ADH7: variants seen among roughly 807,000 people sequenced by gnomAD.
ADH7 encodes the protein alcohol dehydrogenase 7 (class IV), mu or sigma polypeptide.
In ADH7, 41 loss-of-function variants were observed where a neutral mutation model predicts 34.4. The observed-to-expected ratio is 1.19, with a 90% CI of 0.93 to 1.55. The LOEUF is 1.55. Ranked by LOEUF, ADH7 falls within the 40% of genes most tolerant of loss-of-function variation. ADH7 has a pLI of 0.00. For missense variants in ADH7, 540 were observed against 461.2 expected (o/e 1.17, Z -1.56); for synonymous variants, 180 against 160.9 (o/e 1.12, Z -0.90).
rs1721848579 is a variant in ADH7 at position 99,427,941 on chromosome 4, G to C, written c.396C>G (p.Cys132Trp). 1.2e-6 allele frequency: 2 copies of C among 1,613,874 alleles called. No individual in the cohort carries two copies. Among genetic ancestry groups the C allele is most frequent in the African/African-American group, 1.3e-5 (1 of 74,900 alleles). ...TGAAGTGGTGGACTGGTTTGCCCTT[G>C]CATGTAAATCTGGTGGTGCCATCAG... Reference protein sequence around the residue: ...VLADGTTRFTCKGKPVHHFMN... With the variant: ...VLADGTTRFTWKGKPVHHFMN... The change falls in exon 5 of 9, where the codon TGC becomes TGG. Residue 132 changes from cysteine (C) to tryptophan (W), a missense_variant. Transcript: ENST00000437033.
chr4:99,422,564 T>G (rs1398334145), intron 5 of ADH7, among the ~76,000 whole-genome samples: 1 of 152,088 alleles, frequency 6.6e-6, no homozygotes, highest in Non-Finnish European at 1.5e-5. Context: ...CAAACCACCA[T>G]GGCGCACGTA....
intron 5 of ADH7, among the ~76,000 whole-genome samples, chr4:99,423,566 C>T (rs1721722768): frequency 6.6e-6 from 1 of 152,048 alleles, no homozygotes; most frequent in Admixed American, 6.5e-5. Context: ...TAATGATTGC[C>T]ATTCTAACTG....
chr4:99,419,298 A>G (rs1560560860), intron 6 of ADH7, among the ~76,000 whole-genome samples, 177 bp from the exon 7 acceptor site: 1 of 152,154 alleles, frequency 6.6e-6, no homozygotes, highest in Non-Finnish European at 1.5e-5. Flanking sequence ...TTCTATACAC[A>G]TTTGCCCTTT....
chr4:99,434,968 C>T (rs1579583225), intron 1 of ADH7: 2 of 1,370,036 alleles, frequency 1.5e-6, no homozygotes, highest in African/African-American at 1.4e-5. Flanking sequence ...CAATATAAAT[C>T]AATTTCTCTA....
At chr4:99,422,089 G>A (rs1291529454) in intron 5 of ADH7, among the ~76,000 whole-genome samples, 1 of 152,222 alleles carries the variant, frequency 6.6e-6, no homozygotes. Flanking sequence ...GTGGAAGACA[G>A]TATGGCAATT....
intron 7 of ADH7, among the ~76,000 whole-genome samples, chr4:99,417,226 C>T (rs373346894): frequency 9.9e-5 from 15 of 152,088 alleles, no homozygotes; most frequent in African/African-American, 3.6e-4. Flanking sequence ...GGTTTTATTT[C>T]TCTCTCAGAA....
At chr4:99,415,676 T>A in intron 7 of ADH7, 60 bp from the exon 8 acceptor site, 4 of 1,527,080 alleles carry the variant, frequency 2.6e-6, no homozygotes, top group Non-Finnish European at 3.6e-6. Context: ...TCTTTTATTA[T>A]GTTATATTTA....
At position 99,420,835 on chromosome 4, in the gene ADH7, C is replaced by A. The variant is rs78398611; in HGVS notation, c.565-42G>T. On this transcript the variant is annotated intron_variant, in intron 5 of 8. Coordinates refer to ENST00000437033, the MANE Select transcript of ADH7 (RefSeq NM_000673.7). ...TCTTGAACATGTTAGGTGTTAGGGTCAAAAAGTGAAACCTGAAAAGGGCCT... is the reference window on the plus strand; with the variant it reads ...TCTTGAACATGTTAGGTGTTAGGGTAAAAAAGTGAAACCTGAAAAGGGCCT... 8.3e-3 allele frequency: 13,222 copies of A among 1,587,872 alleles called. 63 individuals carry two copies. The highest frequency in any genetic ancestry group is 0.01 in the Non-Finnish European group (11,982 of 1,165,266).
intron 7 of ADH7, among the ~76,000 whole-genome samples, chr4:99,418,248 C>A (rs550924479): frequency 6.6e-6 from 1 of 152,044 alleles, no homozygotes; most frequent in Admixed American, 6.6e-5. Flanking sequence ...TTGTATCCTT[C>A]GCTACATTAT....
intron 5 of ADH7, among the ~76,000 whole-genome samples, chr4:99,422,162 C>A (rs1388297174): frequency 1.3e-5 from 2 of 152,144 alleles, no homozygotes; most frequent in Non-Finnish European, 2.9e-5. Context: ...GGTATACACC[C>A]AAAGGAATAT....
At position 99,427,931 on chromosome 4, in the gene ADH7, G is replaced by T; in HGVS notation, c.406C>A (p.Pro136Thr). 6.2e-7 allele frequency: 1 copy of T among 1,614,004 alleles called. No individual in the cohort carries two copies. Among genetic ancestry groups the T allele is most frequent in the Non-Finnish European group, 8.5e-7 (1 of 1,179,932 alleles). Residue 136 changes from proline to threonine, a missense_variant, in exon 5 of 9, where the codon CCA becomes ACA. Transcript: ENST00000437033. The stretch of plus-strand genomic sequence containing the variant: ...CTGGTGTTCATGAAGTGGTGGACTG[G>T]TTTGCCCTTGCATGTAAATCTGGTG... ...GTTRFTCKGK[P>T]VHHFMNTSTF...
chr4:99,434,182 C>A (rs968361159), intron 1 of ADH7, among the ~76,000 whole-genome samples: 1 of 152,086 alleles, frequency 6.6e-6, no homozygotes, highest in Non-Finnish European at 1.5e-5. Context: ...TGTAACCAGA[C>A]CTGAAGCATC....
chr4:99,432,394 T>G (rs577167918), intron 1 of ADH7, among the ~76,000 whole-genome samples: 20 of 152,168 alleles, frequency 1.3e-4, no homozygotes, highest in African/African-American at 4.6e-4. Context: ...GACAAAATAA[T>G]TTGTACACCA....
chr4:99,416,833 C>T (rs1014963838), intron 7 of ADH7, among the ~76,000 whole-genome samples: 1 of 152,088 alleles, frequency 6.6e-6, no homozygotes, highest in Non-Finnish European at 1.5e-5. Context: ...GTAACCTGCC[C>T]CAAACCACTC....
chr4:99,423,951 C>CCCA (rs1469808978), intron 5 of ADH7, among the ~76,000 whole-genome samples: 3 of 151,918 alleles, frequency 2.0e-5, no homozygotes, highest in African/African-American at 7.2e-5. Flanking sequence ...GAAGTCCTTG[C>CCCA]CCATGCCTAT....
chr4:99,419,241 T>C (rs1579573197), intron 6 of ADH7, 120 bp from the exon 7 acceptor site: 1 of 1,277,630 alleles, frequency 7.8e-7, no homozygotes, highest in East Asian at 2.6e-5. Flanking sequence ...CCTTGTTTTT[T>C]ACTTGCTTTA....
rs757143356 is a variant in ADH7, at chr4:99,422,372, A to C, written c.565-1579T>G. Among the ~76,000 whole-genome samples, 71 of 152,230 alleles carry C rather than the reference A, an allele frequency of 4.7e-4. 1 individual carries two copies. The highest frequency in any genetic ancestry group is 9.3e-4 in the Non-Finnish European group (63 of 68,046). The stretch of plus-strand genomic sequence containing the variant: ...TTTGCAGGGACGTGGAAGAAGCTGG[A>C]AGCCATCATTCTCAGCAAACTAACA... On this transcript the variant is annotated intron_variant, in intron 5 of 8. Coordinates refer to ENST00000437033, the MANE Select transcript of ADH7 (RefSeq NM_000673.7).
rs1253389823 is a variant in ADH7 at position 99,413,101 on chromosome 4, A to G, written c.*47T>C. 3 of 1,605,884 alleles carry G rather than the reference A, an allele frequency of 1.9e-6. No individual in the cohort carries two copies. The highest frequency in any genetic ancestry group is 2.7e-5 in the African/African-American group (2 of 74,640). On this transcript the variant is annotated 3_prime_UTR_variant, in exon 9 of 9. Transcript: ENST00000437033. ...TCAGATGAGGGAACTCTCACAAGAG[A>G]AACTCCAGTTCACCATGACAACACA...
chr4:99,430,184 A>C (rs1579580626), intron 1 of ADH7: 1 of 152,372 alleles, frequency 6.6e-6, no homozygotes, highest in Non-Finnish European at 1.5e-5. Flanking sequence ...CATACAGATT[A>C]TGACTGTGAG....
Sources: allele counts gnomAD v4.1 joint callset (sites outside exome capture counted in the v4.1 genomes callset), GRCh38; gene constraint gnomAD v4.1.1; transcripts MANE v1.5; gene names NCBI Gene and HGNC (gene_info 2026-07-23, HGNC 2026-07-21).